Variants in DDB2 observed in about 807,000 individuals in gnomAD.
The protein encoded by DDB2 is DNA damage-binding protein 2.
A neutral mutation model predicts 50.5 loss-of-function variants in DDB2; 27 were observed. That is an observed-to-expected ratio of 0.53 (90% CI 0.39 to 0.74). DDB2 has a LOEUF of 0.74. DDB2 is among the 30% of genes least tolerant of loss of function. The pLI, the probability that DDB2 is intolerant of heterozygous loss-of-function variation, is 0.00. For missense variants in DDB2, 424 were observed against 545.6 expected (o/e 0.78, Z 2.22); for synonymous variants, 176 against 205.5 (o/e 0.86, Z 1.23).
intron 3 of DDB2, among the ~76,000 whole-genome samples, chr11:47,230,060 C>T (rs538249963): frequency 5.7e-4 from 72 of 126,678 alleles, no homozygotes; most frequent in African/African-American, 1.7e-3. Context: ...CACTTTGGGA[C>T]GTTGAGGTGG....
intron 8 of DDB2, 48 bp downstream of exon 8, chr11:47,238,049 C>T (rs778775117): frequency 3.7e-6 from 6 of 1,613,410 alleles, no homozygotes; most frequent in South Asian, 2.2e-5. Context: ...AGGGATTCAA[C>T]CTACCTTATT....
intron 7 of DDB2, 104 bp from the exon 8 acceptor site, chr11:47,237,733 C>G: frequency 8.0e-7 from 1 of 1,252,144 alleles, no homozygotes; most frequent in Non-Finnish European, 1.2e-6. Flanking sequence ...CTGCACTCAG[C>G]CCAAAGAATA....
At chr11:47,230,826 T>C (rs1953636381) in intron 3 of DDB2, among the ~76,000 whole-genome samples, 1 of 152,062 alleles carries the variant, frequency 6.6e-6, no homozygotes, top group African/African-American at 2.4e-5. Flanking sequence ...GTAAAGTTCT[T>C]AAAACAGTGC....
chr11:47,217,084 A>C (rs769399278), intron 3 of DDB2, 35 bp downstream of exon 3: 1 of 1,595,418 alleles, frequency 6.3e-7, no homozygotes, highest in South Asian at 1.1e-5. Context: ...GTGCTAAAGA[A>C]GTGTTTGTTG....
At chr11:47,222,493 G>T (rs1021351674) in intron 3 of DDB2, among the ~76,000 whole-genome samples, 4 of 152,074 alleles carry the variant, frequency 2.6e-5, no homozygotes, top group Non-Finnish European at 5.9e-5. Context: ...ACATGCACAG[G>T]CCACCATACC....
At chr11:47,234,717 C>T (rs746073881) in intron 5 of DDB2, 40 bp from the exon 6 acceptor site, 28 of 1,613,906 alleles carry the variant, frequency 1.7e-5, no homozygotes, top group African/African-American at 2.7e-5. Flanking sequence ...ACCCCCACCT[C>T]GGTTCTGTGT....
intron 3 of DDB2, among the ~76,000 whole-genome samples, chr11:47,232,091 C>T (rs1221113323): frequency 6.6e-6 from 1 of 152,082 alleles, no homozygotes; most frequent in African/African-American, 2.4e-5. Flanking sequence ...CGCCTGTAAT[C>T]CCAGCACTTT....
chr11:47,226,879 C>T (rs1200589093), intron 3 of DDB2, among the ~76,000 whole-genome samples: 1 of 151,662 alleles, frequency 6.6e-6, no homozygotes, highest in East Asian at 1.9e-4. Context: ...GTAACTGGGA[C>T]TGCAGGTGCT....
chr11:47,215,395 A>G (rs2135483591), intron 1 of DDB2, 132 bp downstream of exon 1: 1 of 1,345,988 alleles, frequency 7.4e-7, no homozygotes, highest in East Asian at 2.3e-5. Context: ...TGTGCATTCT[A>G]CCTGCAGGTC....
chr11:47,229,256 A>C (rs56023479), intron 3 of DDB2, among the ~76,000 whole-genome samples: 5,059 of 152,206 alleles, frequency 0.033, 119 homozygotes, highest in South Asian at 0.12. Flanking sequence ...AGGGGTGAAG[A>C]GTAGAGGAGG....
At chr11:47,234,022 G>A (rs933409791) in intron 4 of DDB2, among the ~76,000 whole-genome samples, 7 of 152,306 alleles carry the variant, frequency 4.6e-5, no homozygotes, top group Admixed American at 4.6e-4. Context: ...TCTTCTGGCT[G>A]AATAGCAGGA....
chr11:47,233,741 G>A (rs1039160749), intron 4 of DDB2, among the ~76,000 whole-genome samples: 6 of 151,494 alleles, frequency 4.0e-5, no homozygotes, highest in African/African-American at 1.2e-4. Context: ...CAGAATACTC[G>A]TCACTTTGAT....
intron 3 of DDB2, among the ~76,000 whole-genome samples, chr11:47,221,186 T>G (rs1428200422): frequency 6.6e-6 from 1 of 152,104 alleles, no homozygotes; most frequent in Non-Finnish European, 1.5e-5. Context: ...CAGTGTATTC[T>G]TATCATAAAA....
chr11:47,217,221 C>T (rs1036395849), intron 3 of DDB2, 172 bp downstream of exon 3: 7 of 554,724 alleles, frequency 1.3e-5, no homozygotes, highest in African/African-American at 7.6e-5. Flanking sequence ...ACTAAAAATA[C>T]AAAAATTAGC....
intron 3 of DDB2, among the ~76,000 whole-genome samples, chr11:47,226,200 C>G (rs1194145252): frequency 2.0e-5 from 3 of 152,030 alleles, no homozygotes. Flanking sequence ...GTTTTCCATA[C>G]TGGCTATACC....
At chr11:47,232,170 CCT>C (rs1953658291) in intron 3 of DDB2, among the ~76,000 whole-genome samples, 1 of 151,914 alleles carries the variant, frequency 6.6e-6, no homozygotes, top group Non-Finnish European at 1.5e-5. Context: ...ATGGTGAAAC[CCT>C]GTCTCTACTA....
At chr11:47,226,734 C>CTT (rs542832519) in intron 3 of DDB2, among the ~76,000 whole-genome samples, 56 of 124,582 alleles carry the variant, frequency 4.5e-4, no homozygotes, top group African/African-American at 1.7e-3. Context: ...AGTCCTTTGC[C>CTT]TTTTTTTTTT....
chr11:47,234,281 A>G (rs1372528227), intron 4 of DDB2, among the ~76,000 whole-genome samples: 1 of 152,114 alleles, frequency 6.6e-6, no homozygotes, highest in East Asian at 1.9e-4. Context: ...GGCGTGCCTC[A>G]GGGCTTGCTT....
chr11:47,230,858 C>T (rs769319317), intron 3 of DDB2, among the ~76,000 whole-genome samples: 4 of 152,086 alleles, frequency 2.6e-5, no homozygotes, highest in African/African-American at 4.8e-5. Context: ...CAGTGGCTCA[C>T]GCCTGTAATC....
Sources: gnomAD v4.1 joint callset for allele counts (sites outside exome capture counted in the v4.1 genomes callset) on GRCh38, gnomAD v4.1.1 for gene constraint, MANE v1.5 for transcripts, NCBI Gene and HGNC (gene_info 2026-07-23, HGNC 2026-07-21) for gene names.